NBPF9: variants seen among roughly 807,000 people sequenced by gnomAD.
NBPF9 encodes NBPF member 9.
In NBPF9, 91 loss-of-function variants were observed where a neutral mutation model predicts 97.8. The observed-to-expected ratio is 0.93, with a 90% CI of 0.79 to 1.11. NBPF9 has a LOEUF of 1.11. Among genes scored for constraint, NBPF9 ranks in the 50% least tolerant of loss-of-function variants. The pLI is 0.00. For synonymous variants in NBPF9, 334 were observed against 359.5 expected, an observed-to-expected ratio of 0.93 and a Z score of 0.80; for missense variants, 992 against 939.5, an observed-to-expected ratio of 1.06 and a Z score of -0.73.
At chr1:149,101,883 G>C (rs2082164615) in intron 2 of NBPF9, among the ~76,000 whole-genome samples, 2 of 142,284 alleles carry the variant, frequency 1.4e-5, no homozygotes, top group South Asian at 4.5e-4. Context: ...TCTATTTCTT[G>C]ATCTGTGGTG....
rs781819636 is a variant in NBPF9, at chr1:149,079,095, C to T, written c.405G>A (p.Glu135=). The T allele has an allele frequency of 5.3e-6, 7 of 1,326,606 alleles. No homozygotes were observed. In the African/African-American group the frequency reaches 1.0e-4, roughly 20 times the overall value. The allele number at this position is 1,326,606 out of a possible 1,614,324, so 82.2% of individuals were successfully genotyped here. The change falls in exon 9 of 30, where the codon GAG becomes GAA. Residue 135 remains glutamate (E), a synonymous_variant. Coordinates refer to ENST00000584027, the Ensembl canonical transcript of NBPF9. ...GGTCCTGCCCCTGGGACTTGTCCGG[C>T]TCATCCGGAGTGAGGAGGGCCTGGA...
intron 3 of NBPF9, among the ~76,000 whole-genome samples, chr1:149,100,835 T>C (rs2082098692): frequency 6.6e-6 from 1 of 151,368 alleles, no homozygotes; most frequent in African/African-American, 2.4e-5. Context: ...CTCAGGAGGC[T>C]GAGGTGGGAG....
At chr1:149,093,086 G>A (rs2081512465) in intron 4 of NBPF9, among the ~76,000 whole-genome samples, 1 of 151,982 alleles carries the variant, frequency 6.6e-6, no homozygotes, top group Non-Finnish European at 1.5e-5. Context: ...CTGGAGAGGG[G>A]GATGTGGCAG....
At chr1:149,053,969 T>C (rs2078054001), downstream of NBPF9, 1 of 147,914 alleles carries the variant, frequency 6.8e-6, no homozygotes, top group African/African-American at 2.5e-5. Flanking sequence ...CCAAGAAATG[T>C]AAATACATTC....
chr1:149,072,841 T>G (rs1297831366), exon 14 of NBPF9: 1 of 1,603,328 alleles, frequency 6.2e-7, no homozygotes, highest in Non-Finnish European at 8.5e-7. Context: ...AGATGCTCAT[T>G]CAATGAGCGG....
intron 5 of NBPF9, among the ~76,000 whole-genome samples, chr1:149,085,556 C>T (rs1416757496): frequency 3.3e-5 from 5 of 152,110 alleles, no homozygotes; most frequent in African/African-American, 4.8e-5. Flanking sequence ...AAAATTGAGT[C>T]TTCCAATCAA....
intron 4 of NBPF9, among the ~76,000 whole-genome samples, chr1:149,093,834 CTT>C (rs1448599098): frequency 8.1e-6 from 1 of 124,096 alleles, no homozygotes; most frequent in Non-Finnish European, 1.7e-5. Flanking sequence ...TCTGATCTCT[CTT>C]TCTTTTCCCC....
intron 20 of NBPF9, 52 bp from the exon 21 acceptor site, chr1:149,062,965 C>T (rs1443547310): frequency 6.7e-6 from 5 of 751,522 alleles, no homozygotes; most frequent in Non-Finnish European, 1.2e-5. Context: ...CTCCTACACA[C>T]ATAACAATCC....
intron 13 of NBPF9, among the ~76,000 whole-genome samples, chr1:149,073,300 G>T (rs2079565291): frequency 7.0e-6 from 1 of 142,018 alleles, no homozygotes; most frequent in Admixed American, 7.2e-5. Flanking sequence ...ACAAAGCCAT[G>T]TACAGAAATG....
At chr1:149,080,031 T>TC (rs1287101338) in intron 8 of NBPF9, 22 bp downstream of exon 8, 2 of 1,584,710 alleles carry the variant, frequency 1.3e-6, no homozygotes, top group African/African-American at 1.3e-5. Flanking sequence ...CCCGCCTGCC[T>TC]CCCCCCACGG....
chr1:149,097,914 C>A (rs1403217481), intron 4 of NBPF9, among the ~76,000 whole-genome samples: 3 of 151,980 alleles, frequency 2.0e-5, no homozygotes, highest in Admixed American at 1.3e-4. Flanking sequence ...TCTCTTTTAA[C>A]CCATTATACT....
intron 17 of NBPF9, among the ~76,000 whole-genome samples, chr1:149,068,313 T>G (rs1234899900): frequency 3.3e-5 from 5 of 150,952 alleles, no homozygotes; most frequent in African/African-American, 1.2e-4. Flanking sequence ...AATGCCCCAG[T>G]TAAAAAACAC....
chr1:149,079,914 A>G, intron 8 of NBPF9, 139 bp downstream of exon 8: 1 of 698,382 alleles, frequency 1.4e-6, no homozygotes, highest in South Asian at 1.6e-5. Flanking sequence ...TCTGATAAAT[A>G]TTTGTGTGTC....
At position 149,060,103 on chromosome 1, in the gene NBPF9, C is replaced by A; in HGVS notation, c.2477-295G>T. 1.9e-5 allele frequency: 5 copies of A among 258,662 alleles called. 2 individuals are homozygous for A. Among genetic ancestry groups the A allele is most frequent in the Middle Eastern group, 2.9e-3 (2 of 684 alleles). 16.0% of individuals were successfully genotyped at this position (258,662 alleles called of 1,614,324 possible). On this transcript the variant is annotated intron_variant, in intron 24 of 29. Transcript: ENST00000584027. The stretch of plus-strand genomic sequence containing the variant: ...TTTCCAATCAATTTAAAGCAAATAC[C>A]CTCAAATGATTTCTAGGAGAAAAAC...
rs782657497 is a variant in NBPF9, at chr1:149,055,640, G to A, written c.*16C>T. On this transcript the variant is annotated 3_prime_UTR_variant, in exon 30 of 30. Transcript: ENST00000584027. ...CTGCCTGCAGGAATGACATCTCTCG[G>A]CTTAGTAAGGGCTGCTTATTGTGGG... is the stretch of plus-strand genomic sequence containing the variant. The A allele has an allele frequency of 3.1e-6, 5 of 1,611,676 alleles. No individual in the cohort carries two copies. The East Asian group carries it at 1.1e-4, about 36-fold the overall frequency.
At chr1:149,060,202 A>C (rs2078509099) in intron 24 of NBPF9, 1 of 153,140 alleles carries the variant, frequency 6.5e-6, no homozygotes. Flanking sequence ...CTGAAATTAG[A>C]GTGAAAAAGG....
chr1:149,099,281 T>C (rs1203647357), intron 3 of NBPF9, among the ~76,000 whole-genome samples: 3 of 152,262 alleles, frequency 2.0e-5, no homozygotes, highest in Admixed American at 6.5e-5. Flanking sequence ...TATGCTACAG[T>C]AACAAAAGCC....
chr1:149,079,748 CA>C, intron 8 of NBPF9, among the ~76,000 whole-genome samples: 1 of 151,634 alleles, frequency 6.6e-6, no homozygotes, highest in East Asian at 1.9e-4. Context: ...GGCAATAGCA[CA>C]CCATTTTGAG....
chr1:149,099,293 C>T (rs10399744), intron 3 of NBPF9, among the ~76,000 whole-genome samples: 2 of 152,202 alleles, frequency 1.3e-5, no homozygotes, highest in Non-Finnish European at 2.9e-5. Context: ...ACAAAAGCCC[C>T]AAAATCTTAG....
Sources: gnomAD v4.1 joint callset for allele counts (sites outside exome capture counted in the v4.1 genomes callset) on GRCh38, gnomAD v4.1.1 for gene constraint, MANE v1.5 for transcripts, NCBI Gene and HGNC (gene_info 2026-07-23, HGNC 2026-07-21) for gene names.